The following PLXNA4 variants were observed in gnomAD, a reference collection of about 807,000 sequenced individuals.
The protein encoded by PLXNA4 is plexin-A4.
In PLXNA4, 44 loss-of-function variants were observed where a neutral mutation model predicts 191.8. The ratio of observed to expected loss-of-function variants is 0.23; its 90% confidence interval spans 0.18 to 0.29. The LOEUF is 0.29. Among genes scored for constraint, PLXNA4 ranks in the 10% least tolerant of loss-of-function variants. PLXNA4 has a pLI of 1.00. For synonymous variants in PLXNA4, 1,082 were observed against 1,009.5 expected (o/e 1.07, Z -1.36); for missense variants, 1,800 against 2,488.8 (o/e 0.72, Z 5.89).
At chr7:132,359,594 A>G (rs1259963178) in intron 3 of PLXNA4, among the ~76,000 whole-genome samples, 2 of 152,182 alleles carry the variant, frequency 1.3e-5, no homozygotes, top group South Asian at 2.1e-4. Context: ...ATGTAAACAT[A>G]TTTTGTAAAA....
At chr7:132,307,547 T>C (rs1411818518) in intron 3 of PLXNA4, among the ~76,000 whole-genome samples, 3 of 132,758 alleles carry the variant, frequency 2.3e-5, no homozygotes, top group Non-Finnish European at 3.3e-5. Context: ...ATCTCCCCTA[T>C]TTTACAGTGA....
chr7:132,405,232 G>A (rs546916132), intron 3 of PLXNA4, among the ~76,000 whole-genome samples: 4 of 152,046 alleles, frequency 2.6e-5, no homozygotes, highest in African/African-American at 4.8e-5. Flanking sequence ...AGTGGAGCCT[G>A]GGCCTTGGTG....
At chr7:132,561,136 G>A (rs1019077068) in intron 1 of PLXNA4, among the ~76,000 whole-genome samples, 1 of 151,926 alleles carries the variant, frequency 6.6e-6, no homozygotes, top group African/African-American at 2.4e-5. Context: ...TCCCACCTCT[G>A]CCTTGAACTC....
chr7:132,574,971 C>A (rs1319024844), intron 1 of PLXNA4, among the ~76,000 whole-genome samples: 2 of 152,210 alleles, frequency 1.3e-5, no homozygotes, highest in Non-Finnish European at 2.9e-5. Flanking sequence ...GTGGGATACT[C>A]TGAACACATG....
intron 3 of PLXNA4, among the ~76,000 whole-genome samples, chr7:132,334,039 T>C (rs1444931221): frequency 1.4e-4 from 21 of 152,196 alleles, no homozygotes; most frequent in Non-Finnish European, 2.9e-5. Context: ...TGTTTAATAA[T>C]TGTGATGATT....
intron 2 of PLXNA4, among the ~76,000 whole-genome samples, chr7:132,496,734 G>A (rs976783767): frequency 2.6e-5 from 4 of 152,152 alleles, no homozygotes; most frequent in African/African-American, 7.2e-5. Context: ...TTCCTCTGGG[G>A]TTGTTAGAGG....
At chr7:132,313,010 G>T (rs1801805345) in intron 3 of PLXNA4, among the ~76,000 whole-genome samples, 1 of 152,056 alleles carries the variant, frequency 6.6e-6, no homozygotes. Flanking sequence ...AGATTTGAGG[G>T]GCACTGCATT....
chr7:132,370,956 G>T (rs1180322507), intron 3 of PLXNA4, among the ~76,000 whole-genome samples: 1 of 152,230 alleles, frequency 6.6e-6, no homozygotes, highest in African/African-American at 2.4e-5. Flanking sequence ...GTTGGCATGA[G>T]CACCTGAATT....
At chr7:132,259,482 G>GAAAAAAAAAAAAAAAAAAA (rs1414792493) in intron 4 of PLXNA4, among the ~76,000 whole-genome samples, 5 of 111,356 alleles carry the variant, frequency 4.5e-5, no homozygotes, top group Non-Finnish European at 7.1e-5. Flanking sequence ...AAGAAAAAAG[G>GAAAAAAAAAAAAAAAAAAA]AAAAAAGAAA....
chr7:132,331,102 T>G (rs1365562704), intron 3 of PLXNA4, among the ~76,000 whole-genome samples: 1 of 152,198 alleles, frequency 6.6e-6, no homozygotes, highest in Non-Finnish European at 1.5e-5. Context: ...TCCTTGGCCA[T>G]GTTAATGAGC....
intron 2 of PLXNA4, among the ~76,000 whole-genome samples, chr7:132,626,943 G>A (rs184997051): frequency 5.3e-5 from 8 of 152,026 alleles, no homozygotes; most frequent in Non-Finnish European, 8.8e-5. Flanking sequence ...TGATCCCAAG[G>A]ACCCTCCTTA....
chr7:132,623,699 C>T (rs569255408), intron 2 of PLXNA4, among the ~76,000 whole-genome samples: 6 of 152,270 alleles, frequency 3.9e-5, no homozygotes, highest in African/African-American at 9.6e-5. Flanking sequence ...TCCCTGGGAC[C>T]CTGGGGCTCT....
At chr7:132,381,695 C>T (rs995708103) in intron 3 of PLXNA4, among the ~76,000 whole-genome samples, 1 of 152,216 alleles carries the variant, frequency 6.6e-6, no homozygotes, top group Admixed American at 6.5e-5. Flanking sequence ...GGGATGAATG[C>T]GGAGTGAATA....
chr7:132,368,021 G>A (rs530846319), intron 3 of PLXNA4: 1 of 152,288 alleles, frequency 6.6e-6, no homozygotes, highest in East Asian at 1.9e-4. Context: ...CTGACGGAGG[G>A]CAGAGATCAC....
rs749115824 is a variant in PLXNA4, at chr7:132,140,685, C to T, written c.5352G>A (p.Thr1784=). 15 of 1,613,976 alleles carry T rather than the reference C, an allele frequency of 9.3e-6. No homozygotes were observed. In the Middle Eastern group the frequency reaches 4.9e-4, roughly 53 times the overall value. Reference sequence around the variant, plus strand: ...AGTCCTTGCCCAGCCGGTGCTCTGACGTGGAGCAAGAGTCCATGAAGGTCT... The same window carrying T: ...AGTCCTTGCCCAGCCGGTGCTCTGATGTGGAGCAAGAGTCCATGAAGGTCT... ...VAQTFMDSCS[T]SEHRLGKDSP... Residue 1784 remains threonine, a synonymous_variant, in exon 30 of 32, where the codon ACG becomes ACA. Transcript: ENST00000321063.
chr7:132,569,166 C>T (rs930614262), intron 1 of PLXNA4, among the ~76,000 whole-genome samples: 3 of 152,264 alleles, frequency 2.0e-5, no homozygotes, highest in Non-Finnish European at 4.4e-5. Flanking sequence ...CCACCACAGA[C>T]TATTCTGAGA....
intron 3 of PLXNA4, among the ~76,000 whole-genome samples, chr7:132,342,906 C>A (rs922875281): frequency 1.4e-5 from 2 of 141,748 alleles, no homozygotes; most frequent in Admixed American, 7.6e-5. Flanking sequence ...AAGATTGCAC[C>A]ACTGTACTCC....
intron 29 of PLXNA4, among the ~76,000 whole-genome samples, chr7:132,144,232 T>A (rs770548470): frequency 1.3e-5 from 2 of 152,164 alleles, no homozygotes; most frequent in Admixed American, 6.5e-5. Context: ...TTGCCTCAGG[T>A]AGAGCTCTCA....
upstream of PLXNA4, among the ~76,000 whole-genome samples, chr7:132,577,475 C>G (rs914263745): frequency 7.3e-5 from 11 of 151,402 alleles, no homozygotes; most frequent in Middle Eastern, 0.014. Flanking sequence ...CTGGCTCGCT[C>G]TCGCTGGCTC....
Sources: allele counts gnomAD v4.1 joint callset (sites outside exome capture counted in the v4.1 genomes callset), GRCh38; gene constraint gnomAD v4.1.1; transcripts MANE v1.5; gene names NCBI Gene and HGNC (gene_info 2026-07-23, HGNC 2026-07-21).